The following PLAC9 variants were observed in gnomAD, a reference collection of about 807,000 sequenced individuals.
The protein encoded by PLAC9 is placenta-specific protein 9.
PLAC9 carries 12 observed loss-of-function variants against 11.5 expected under a neutral mutation model. That is an observed-to-expected ratio of 1.05 (90% CI 0.67 to 1.69). The LOEUF (loss-of-function observed/expected upper bound fraction) is 1.69. Among genes scored for constraint, PLAC9 ranks in the 40% most tolerant of loss-of-function variants. The pLI is 0.00. For synonymous variants in PLAC9, 62 were observed against 58.1 expected, an observed-to-expected ratio of 1.07 and a Z score of -0.31; for missense variants, 132 against 130.5, an observed-to-expected ratio of 1.01 and a Z score of -0.06.
At chr10:80,143,117 C>T (rs1037593693) in intron 2 of PLAC9, among the ~76,000 whole-genome samples, 5 of 152,000 alleles carry the variant, frequency 3.3e-5, no homozygotes, top group African/African-American at 1.2e-4. Flanking sequence ...TGGCTCACTG[C>T]AACCTCTGCC....
At chr10:80,143,389 A>ATTT (rs560963413) in intron 2 of PLAC9, among the ~76,000 whole-genome samples, 8,857 of 89,588 alleles carry the variant, frequency 0.099, 1,299 homozygotes, top group East Asian at 0.17. Flanking sequence ...AAATACTTGA[A>ATTT]TTTTTTTTTT....
chr10:80,144,288 G>A lies in PLAC9; in HGVS notation c.228G>A (p.Glu76=), dbSNP rs1845074750. 1 of 1,613,494 alleles carries A rather than the reference G, an allele frequency of 6.2e-7. No individual in the cohort carries two copies. Among genetic ancestry groups the A allele is most frequent in the Admixed American group, 1.7e-5 (1 of 60,010 alleles). The change falls in exon 3 of 4, where the codon GAG becomes GAA. Residue 76 remains glutamate (E), a synonymous_variant. Transcript: ENST00000372263. The part of the protein sequence containing the change: ...EVKGLLGLLE[E]LAWNLPPGPF... Reference sequence around the variant, plus strand: ...AAGGCCTGCTGGGCCTGCTGGAGGAGCTGGCCTGGAACCTGCCCCCGGGAC... The same window carrying A: ...AAGGCCTGCTGGGCCTGCTGGAGGAACTGGCCTGGAACCTGCCCCCGGGAC...
intron 1 of PLAC9, among the ~76,000 whole-genome samples, chr10:80,133,472 C>A (rs1474869982): frequency 6.6e-6 from 1 of 152,210 alleles, no homozygotes; most frequent in Non-Finnish European, 1.5e-5. Flanking sequence ...ACCAGGCAGT[C>A]GGGCCCAGGA....
rs1274504389 is a variant in PLAC9 at position 80,144,359 on chromosome 10, G to A, written c.283+16G>A. On this transcript the variant is annotated intron_variant, in intron 3 of 3. Transcript: ENST00000372263. ...CTTCTCGGAGGTGAGCAGTGCAGGT[G>A]GCAGAGGACAGCCTCTGGGCGGCTG... The A allele has an allele frequency of 6.3e-7, 1 of 1,583,566 alleles. No homozygotes were observed. Among genetic ancestry groups the A allele is most frequent in the Non-Finnish European group, 8.5e-7 (1 of 1,169,738 alleles).
rs1429997624 is a variant in PLAC9, at chr10:80,141,967, G to A, written c.65-115G>A. ...CTGACCCCCACCTGGGCCGTCCTCC[G>A]CTTGCTCCTGAGTTTGCTTTGAGGA... On this transcript the variant is annotated intron_variant, in intron 1 of 3. Transcript: ENST00000372263. 7.4e-6 allele frequency: 5 copies of A among 678,820 alleles called. No individual in the cohort carries two copies. The East Asian group carries it at 9.7e-5, about 13-fold the overall frequency. 42.0% of individuals were successfully genotyped at this position (678,820 alleles called of 1,614,324 possible).
At chr10:80,139,608 A>G (rs976288621) in intron 1 of PLAC9, among the ~76,000 whole-genome samples, 1 of 152,154 alleles carries the variant, frequency 6.6e-6, no homozygotes, top group Non-Finnish European at 1.5e-5. Context: ...CTCATTCTGC[A>G]CATCCCCTTT....
At chr10:80,144,807 C>T (rs747561092) in intron 3 of PLAC9, 93 bp from the exon 4 acceptor site, 23 of 1,309,472 alleles carry the variant, frequency 1.8e-5, no homozygotes, top group Admixed American at 2.7e-5. Context: ...TCCTGGGGGC[C>T]GGGGAGGGAA....
intron 1 of PLAC9, among the ~76,000 whole-genome samples, chr10:80,133,837 G>C (rs551082715): frequency 2.0e-5 from 3 of 151,492 alleles, no homozygotes; most frequent in Non-Finnish European, 4.4e-5. Context: ...CCAGCTACTC[G>C]GCAGGCTGAG....
At chr10:80,144,786 C>A in intron 3 of PLAC9, 114 bp from the exon 4 acceptor site, 2 of 1,071,722 alleles carry the variant, frequency 1.9e-6, no homozygotes, top group South Asian at 1.6e-5. Flanking sequence ...TTGTGTCCCG[C>A]GCGCAGTAGT....
intron 1 of PLAC9, among the ~76,000 whole-genome samples, chr10:80,133,269 G>A (rs1338077225): frequency 2.6e-5 from 4 of 152,180 alleles, no homozygotes; most frequent in African/African-American, 7.2e-5. Flanking sequence ...CTCGATGCCC[G>A]GAGTAGAGCT....
chr10:80,142,130 C>T lies in PLAC9; in HGVS notation c.113C>T (p.Ala38Val), dbSNP rs1845047626. 8 of 1,611,560 alleles carry T rather than the reference C, an allele frequency of 5.0e-6. No individual in the cohort carries two copies. In the South Asian group the frequency reaches 5.5e-5, roughly 11 times the overall value. ...CGAGGAGACTCAGCTCAGAGCACAG[C>T]GTGTGACAGACACATGGCTGTGCAA... ...PPRGDSAQST[A>V]CDRHMAVQRR... Residue 38 changes from alanine (A) to valine (V), a missense_variant, in exon 2 of 4, where the codon GCG becomes GTG. Coordinates refer to ENST00000372263, the MANE Select transcript of PLAC9 (RefSeq NM_001012973.3).
In PLAC9 at chr10:80,142,140, A is replaced by G; in HGVS notation, c.123A>G (p.Arg41=). ...GDSAQSTACD[R]HMAVQRRLDV... is the part of the protein sequence containing the mutation. ...CAGCTCAGAGCACAGCGTGTGACAG[A>G]CACATGGCTGTGCAACGCCGTCTAG... The change falls in exon 2 of 4, where the codon AGA becomes AGG. Residue 41 remains arginine, a synonymous_variant. Coordinates refer to ENST00000372263, the MANE Select transcript of PLAC9 (RefSeq NM_001012973.3). 6.2e-7 allele frequency: 1 copy of G among 1,611,088 alleles called. No homozygotes were observed. The highest frequency in any genetic ancestry group is 8.5e-7 in the Non-Finnish European group (1 of 1,177,636).
intron 1 of PLAC9, among the ~76,000 whole-genome samples, chr10:80,140,453 C>A (rs543744308): frequency 1.3e-5 from 2 of 152,216 alleles, no homozygotes; most frequent in Non-Finnish European, 1.5e-5. Context: ...CTTGCTAGAC[C>A]TCTCCGCTGC....
intron 1 of PLAC9, among the ~76,000 whole-genome samples, chr10:80,133,877 G>A (rs1844941737): frequency 6.6e-6 from 1 of 150,724 alleles, no homozygotes; most frequent in Non-Finnish European, 1.5e-5. Flanking sequence ...CTGGGAGGCG[G>A]AGGTTGCAGT....
At chr10:80,133,004 AG>A (rs1205833587) in intron 1 of PLAC9, among the ~76,000 whole-genome samples, 178 bp downstream of exon 1, 3 of 152,214 alleles carry the variant, frequency 2.0e-5, no homozygotes, top group Non-Finnish European at 1.5e-5. Context: ...ACTCAGAAAA[AG>A]GCAGAGAAGT....
At chr10:80,142,683 C>A (rs1428741413) in intron 2 of PLAC9, among the ~76,000 whole-genome samples, 1 of 152,080 alleles carries the variant, frequency 6.6e-6, no homozygotes, top group Non-Finnish European at 1.5e-5. Context: ...TGTTATTAGG[C>A]CTGATGTTAA....
intron 1 of PLAC9, among the ~76,000 whole-genome samples, chr10:80,141,411 C>T (rs780386666): frequency 7.9e-5 from 12 of 152,160 alleles, no homozygotes; most frequent in Non-Finnish European, 1.3e-4. Context: ...CCAGGCTGAC[C>T]AACATGGTGA....
rs1221090244 is a variant in PLAC9 at position 80,142,182 on chromosome 10, A to G, written c.162+3A>G. ...GCCGTCTAGATGTCATGGAGGAGGT[A>G]ACAGGGTGGTTTGGAAGGACATGCG... On this transcript the variant is annotated splice_donor_region_variant and intron_variant, in intron 2 of 3. Transcript: ENST00000372263. 4.4e-6 allele frequency: 7 copies of G among 1,601,658 alleles called. No individual in the cohort carries two copies. Among genetic ancestry groups the G allele is most frequent in the African/African-American group, 2.7e-5 (2 of 74,716 alleles).
chr10:80,133,644 G>A (rs572411232), intron 1 of PLAC9, among the ~76,000 whole-genome samples: 9 of 152,286 alleles, frequency 5.9e-5, no homozygotes, highest in African/African-American at 2.2e-4. Context: ...GAGAGAGGCT[G>A]TCTGGGTACT....
Sources: gnomAD v4.1 joint callset for allele counts (sites outside exome capture counted in the v4.1 genomes callset) on GRCh38, gnomAD v4.1.1 for gene constraint, MANE v1.5 for transcripts, NCBI Gene and HGNC (gene_info 2026-07-23, HGNC 2026-07-21) for gene names.